The following NCOA7 variants were observed in gnomAD, a reference collection of about 807,000 sequenced individuals.
NCOA7 encodes nuclear receptor coactivator 7.
NCOA7 carries 45 observed loss-of-function variants against 104.3 expected under a neutral mutation model. The observed-to-expected ratio is 0.43, with a 90% confidence interval of 0.34 to 0.55. The LOEUF (loss-of-function observed/expected upper bound fraction) is 0.55, where lower values mean the gene tolerates loss of function less well. Among genes scored for constraint, NCOA7 ranks in the 20% least tolerant of loss-of-function variants. The pLI is 0.02. For missense variants in NCOA7, 1,041 were observed against 1,119.7 expected (o/e 0.93, Z 1.00); for synonymous variants, 398 against 402.3 (o/e 0.99, Z 0.13).
At chr6:125,884,775 A>G (rs1403536677) in intron 7 of NCOA7, among the ~76,000 whole-genome samples, 3 of 152,204 alleles carry the variant, frequency 2.0e-5, no homozygotes, top group African/African-American at 7.2e-5. Flanking sequence ...TGCAGAGTGA[A>G]TTGTAAAGCC....
At chr6:125,837,027 T>G (rs890944206) in intron 2 of NCOA7, among the ~76,000 whole-genome samples, 9 of 152,308 alleles carry the variant, frequency 5.9e-5, no homozygotes, top group African/African-American at 2.2e-4. Context: ...GGTAGTTATC[T>G]CCTCACAAAA....
At chr6:125,790,545 G>A (rs1774729209), upstream of NCOA7, among the ~76,000 whole-genome samples, 1 of 152,212 alleles carries the variant, frequency 6.6e-6, no homozygotes, top group African/African-American at 2.4e-5. Flanking sequence ...GGGTAGCCGG[G>A]GTGCCCAGCC....
chr6:125,856,292 G>C (rs1356081955), intron 3 of NCOA7, among the ~76,000 whole-genome samples: 1 of 152,044 alleles, frequency 6.6e-6, no homozygotes, highest in Non-Finnish European at 1.5e-5. Flanking sequence ...CCTCAACTTG[G>C]TCCTCATTAA....
At chr6:125,800,404 C>T (rs1416257629) in intron 1 of NCOA7, among the ~76,000 whole-genome samples, 1 of 152,120 alleles carries the variant, frequency 6.6e-6, no homozygotes, top group Non-Finnish European at 1.5e-5. Context: ...ATTATTAGTA[C>T]AGAGGACATG....
At chr6:125,923,158 G>A (rs1026531873) in intron 13 of NCOA7, among the ~76,000 whole-genome samples, 5 of 152,162 alleles carry the variant, frequency 3.3e-5, no homozygotes, top group Admixed American at 2.0e-4. Context: ...CTAAAAACTG[G>A]AAAGTTGGGG....
chr6:125,911,866 C>G (rs908548906), intron 10 of NCOA7, among the ~76,000 whole-genome samples: 2 of 152,134 alleles, frequency 1.3e-5, no homozygotes, highest in East Asian at 3.9e-4. Context: ...GGCATCCACA[C>G]GGTTTGTTCA....
intron 2 of NCOA7, among the ~76,000 whole-genome samples, chr6:125,831,851 T>G (rs1315482739): frequency 3.9e-5 from 6 of 152,224 alleles, no homozygotes; most frequent in Non-Finnish European, 7.3e-5. Context: ...TCCTATAGAC[T>G]TCTGTCATTT....
chr6:125,928,609 C>CT (rs76258285), intron 15 of NCOA7, 27 bp from the exon 16 acceptor site: 37,808 of 1,435,580 alleles, frequency 0.026, no homozygotes, highest in Non-Finnish European at 0.029. Flanking sequence ...GTGTTTTTAC[C>CT]TTTTTTTTTT....
At chr6:125,836,430 T>C (rs954005234) in intron 2 of NCOA7, among the ~76,000 whole-genome samples, 7 of 152,210 alleles carry the variant, frequency 4.6e-5, no homozygotes, top group African/African-American at 1.7e-4. Context: ...CAATGAAATT[T>C]TCCCTGATTT....
At chr6:125,879,271 T>C (rs1212763101) in intron 5 of NCOA7, among the ~76,000 whole-genome samples, 1 of 152,234 alleles carries the variant, frequency 6.6e-6, no homozygotes, top group Non-Finnish European at 1.5e-5. Flanking sequence ...TGTTAGTGCA[T>C]CATAGAGGAC....
chr6:125,808,057 G>A (rs181206635), intron 1 of NCOA7, among the ~76,000 whole-genome samples: 2 of 152,242 alleles, frequency 1.3e-5, no homozygotes, highest in East Asian at 3.9e-4. Flanking sequence ...TGTCAGGGAG[G>A]GAAATTAGGA....
chr6:125,879,514 C>T (rs188656445), intron 5 of NCOA7, among the ~76,000 whole-genome samples: 251 of 152,148 alleles, frequency 1.6e-3, no homozygotes, highest in African/African-American at 5.0e-3. Flanking sequence ...TCTTATATCC[C>T]CCCTTGACTT....
intron 13 of NCOA7, among the ~76,000 whole-genome samples, chr6:125,926,988 T>C (rs550626747): frequency 6.6e-6 from 1 of 152,246 alleles, no homozygotes; most frequent in Non-Finnish European, 1.5e-5. Context: ...CATCCCCCGA[T>C]AAGAAAAAGT....
chr6:125,871,699 A>G (rs1782924318), intron 3 of NCOA7, among the ~76,000 whole-genome samples: 1 of 152,266 alleles, frequency 6.6e-6, no homozygotes, highest in Non-Finnish European at 1.5e-5. Context: ...TTATTCAACT[A>G]TAAATACAAG....
intron 2 of NCOA7, among the ~76,000 whole-genome samples, chr6:125,834,853 T>A (rs1023550769): frequency 6.6e-6 from 1 of 152,202 alleles, no homozygotes; most frequent in Non-Finnish European, 1.5e-5. Flanking sequence ...GTGCCAGGAA[T>A]TCTTGTTGGC....
At position 125,919,341 on chromosome 6, in the gene NCOA7, C is replaced by A. The variant is rs756346279; in HGVS notation, c.2245-1602C>A. The A allele has an allele frequency of 3.1e-6, 5 of 1,612,852 alleles. No individual in the cohort carries two copies. The South Asian group carries it at 4.4e-5, about 14-fold the overall frequency. On this transcript the variant is annotated intron_variant, in intron 11 of 15. Transcript: ENST00000392477. ...GTTCCTCATTAGAGAGAGAGCCACA[C>A]TTCTCACTGCTCACAATGAGAGGCC...
intron 13 of NCOA7, among the ~76,000 whole-genome samples, chr6:125,925,472 A>G (rs1787943276): frequency 6.6e-6 from 1 of 152,200 alleles, no homozygotes; most frequent in Non-Finnish European, 1.5e-5. Flanking sequence ...CTGTGGAATA[A>G]TTTACACCAC....
At position 125,866,136 on chromosome 6, in the gene NCOA7, C is replaced by T. The variant is rs545550837; in HGVS notation, c.272-8753C>T. On this transcript the variant is annotated intron_variant, in intron 3 of 15. Transcript: ENST00000392477. ...CCTGAGGTCAGGAGTTTGAGACCAG[C>T]GTGACCAACATGGAGAAACCCCGTC... is the stretch of plus-strand genomic sequence containing the variant. Among the ~76,000 whole-genome samples, 10 of 137,690 alleles carry T rather than the reference C, an allele frequency of 7.3e-5. 1 individual carries two copies. The highest frequency in any genetic ancestry group is 9.3e-5 in the Non-Finnish European group (6 of 64,722). The allele number at this position is 137,690 out of a possible 152,430, so 90.3% of individuals were successfully genotyped here.
intron 10 of NCOA7, among the ~76,000 whole-genome samples, chr6:125,910,846 G>A (rs1305180944): frequency 6.6e-6 from 1 of 152,158 alleles, no homozygotes; most frequent in Admixed American, 6.6e-5. Context: ...AGTTAGTAAA[G>A]TACTATGTAG....
Sources: gnomAD v4.1 joint callset for allele counts (sites outside exome capture counted in the v4.1 genomes callset) on GRCh38, gnomAD v4.1.1 for gene constraint, MANE v1.5 for transcripts, NCBI Gene and HGNC (gene_info 2026-07-23, HGNC 2026-07-21) for gene names.